FLT3LG: variants seen among roughly 807,000 people sequenced by gnomAD.
The protein encoded by FLT3LG is fms-related tyrosine kinase 3 ligand.
FLT3LG carries 8 observed loss-of-function variants against 30.9 expected under a neutral mutation model. The ratio of observed to expected loss-of-function variants is 0.26; its 90% CI spans 0.15 to 0.47. The LOEUF (loss-of-function observed/expected upper bound fraction) is 0.47. Ranked by LOEUF, FLT3LG falls within the 20% of genes least tolerant of loss-of-function variation. The pLI is 0.99. For synonymous variants in FLT3LG, 123 were observed against 135.9 expected (o/e 0.91, Z 0.66); for missense variants, 278 against 306.2 (o/e 0.91, Z 0.69).
chr19:49,476,041 TTGGTCTTGTCCCTCTCTCTC>T lies in FLT3LG; in HGVS notation c.145-100_145-81del. On this transcript the variant is annotated intron_variant, in intron 3 of 8. Coordinates refer to ENST00000597551, the MANE Select transcript of FLT3LG (RefSeq NM_001459.4). The surrounding 1 kb of genome is among the most constrained non-coding windows in gnomAD (Gnocchi z 5.3). ...TGGCTTCTTCTGGGCTCCCCCTCTC[TTGGTCTTGTCCCTCTCTCTC>T]TGGATCTCTGCTGCCACCTCTGGGT... 7.5e-7 allele frequency: 1 copy of T among 1,340,896 alleles called. No homozygotes were observed. The highest frequency in any genetic ancestry group is 2.3e-5 in the East Asian group (1 of 43,642). The allele number at this position is 1,340,896 out of a possible 1,614,324, so 83.1% of individuals were successfully genotyped here. A position where few individuals can be genotyped will look rare whatever the true frequency, so the allele number is the denominator to read the frequency against.
At position 49,474,675 on chromosome 19, in the gene FLT3LG, G is replaced by A. The variant is rs2079310711; in HGVS notation, c.33+3G>A. 1 of 1,612,078 alleles carries A rather than the reference G, an allele frequency of 6.2e-7. No individual in the cohort carries two copies. On this transcript the variant is annotated splice_donor_region_variant and intron_variant, in intron 2 of 8. Transcript: ENST00000597551. ...TGGCGCCAGCCTGGAGCCCAACAGT[G>A]CGTAAACCCCAGGGACAAGATCAGG...
rs752828000 is a variant in FLT3LG, at chr19:49,476,124, T to C, written c.145-21T>C. ...GTTTCTCGCTGTTTTCAGCCAGGCC[T>C]GATCCTGTTTTCTCCCGCAGTCTGA... On this transcript the variant is annotated intron_variant, in intron 3 of 8. Coordinates refer to ENST00000597551, the MANE Select transcript of FLT3LG (RefSeq NM_001459.4). This position sits in a 1 kb window ranked among gnomAD's most constrained non-coding sequence, Gnocchi z 5.3. 6.2e-7 allele frequency: 1 copy of C among 1,613,742 alleles called. No individual in the cohort carries two copies. Among genetic ancestry groups the C allele is most frequent in the East Asian group, 2.2e-5 (1 of 44,886 alleles).
At chr19:49,478,584 C>T (rs1038341348) in intron 5 of FLT3LG, among the ~76,000 whole-genome samples, 1 of 151,980 alleles carries the variant, frequency 6.6e-6, no homozygotes, top group Non-Finnish European at 1.5e-5. Context: ...ACCAGCCTGG[C>T]CAACATGGAG....
At chr19:49,479,216 A>G (rs1418568152) in intron 6 of FLT3LG, among the ~76,000 whole-genome samples, 169 bp downstream of exon 6, 2 of 138,970 alleles carry the variant, frequency 1.4e-5, no homozygotes, top group Non-Finnish European at 1.5e-5. Flanking sequence ...TTTTTTTGAG[A>G]CGGAGTCTCG....
intron 8 of FLT3LG, among the ~76,000 whole-genome samples, chr19:49,483,727 C>CG (rs1040385169): frequency 6.0e-5 from 9 of 151,080 alleles, no homozygotes; most frequent in African/African-American, 2.2e-4. Context: ...GTCTCAAAAA[C>CG]AAAAAAACCA....
At chr19:49,474,517 C>T (rs1219919325) in intron 1 of FLT3LG, 86 bp from the exon 2 acceptor site, 5 of 818,878 alleles carry the variant, frequency 6.1e-6, no homozygotes, top group African/African-American at 2.8e-5. Flanking sequence ...ATCAATGGGA[C>T]GCGGGAGGGG....
chr19:49,477,493 C>G (rs993878397), intron 5 of FLT3LG, among the ~76,000 whole-genome samples: 1 of 151,948 alleles, frequency 6.6e-6, no homozygotes. Flanking sequence ...AATCCCAGCA[C>G]TTTGGGAGGC....
chr19:49,480,653 T>G (rs1461571711), intron 8 of FLT3LG, 33 bp downstream of exon 8: 2 of 1,575,866 alleles, frequency 1.3e-6, no homozygotes, highest in African/African-American at 2.7e-5. Flanking sequence ...GGCCTGGACT[T>G]TGTGTCTGCA....
At chr19:49,477,414 A>C (rs1231227660) in intron 5 of FLT3LG, among the ~76,000 whole-genome samples, 1 of 152,086 alleles carries the variant, frequency 6.6e-6, no homozygotes, top group Non-Finnish European at 1.5e-5. Flanking sequence ...ACTGCACTCC[A>C]GCTTGAGCGA....
In FLT3LG at chr19:49,476,343, C is replaced by A. The variant is rs2079392817; in HGVS notation, c.199-80C>A. ...CCCCTCCTCCCTCAGACCCAGGAGC[C>A]CCGGCCCAGCCCCTCCTCCCTCAGA... is the stretch of plus-strand genomic sequence containing the variant. On this transcript the variant is annotated intron_variant, in intron 4 of 8. Coordinates refer to ENST00000597551, the MANE Select transcript of FLT3LG (RefSeq NM_001459.4). This position sits in a 1 kb window ranked among gnomAD's most constrained non-coding sequence, Gnocchi z 5.3. 3.9e-6 allele frequency: 6 copies of A among 1,524,936 alleles called. No individual in the cohort carries two copies. Among genetic ancestry groups the A allele is most frequent in the Middle Eastern group, 2.2e-4 (1 of 4,504 alleles). The allele number at this position is 1,524,936 out of a possible 1,614,324, so 94.5% of individuals were successfully genotyped here.
rs769482947 is a variant in FLT3LG at position 49,478,908 on chromosome 19, G to GCC, written c.350_351dup (p.Ser118ProfsTer25). The stretch of plus-strand genomic sequence containing the variant: ...GTGACGTCTCCCTCCCCTGCTCCCA[G>GCC]CCCCCCCCCAGCTGTCTTCGCTTCG... On this transcript the variant is annotated frameshift_variant and splice_region_variant. Transcript: ENST00000597551. LOFTEE classifies it high-confidence loss of function. 5.4e-6 allele frequency: 8 copies of GCC among 1,491,648 alleles called. No homozygotes were observed. The highest frequency in any genetic ancestry group is 1.3e-5 in the South Asian group (1 of 77,966). 92.4% of individuals were successfully genotyped at this position (1,491,648 alleles called of 1,614,324 possible).
chr19:49,476,538 TAC>T lies in FLT3LG; in HGVS notation c.317_318del (p.His106LeufsTer200). On this transcript the variant is annotated frameshift_variant, in exon 5 of 9. Transcript: ENST00000597551. LOFTEE classifies it high-confidence loss of function. This position sits in a 1 kb window ranked among gnomAD's most constrained non-coding sequence, Gnocchi z 5.3. ...TTGCTGGAGCGCGTGAACACGGAGATACACTTTGTCACCAAATGTGCCTTTCA... is the reference window on the plus strand; with the variant it reads ...TTGCTGGAGCGCGTGAACACGGAGATACTTTGTCACCAAATGTGCCTTTCA... 1.2e-6 allele frequency: 2 copies of T among 1,614,188 alleles called. No homozygotes were observed. Among genetic ancestry groups the T allele is most frequent in the Non-Finnish European group, 1.7e-6 (2 of 1,180,022 alleles).
chr19:49,479,074 C>T (rs1414883445), intron 6 of FLT3LG, 27 bp downstream of exon 6: 6 of 1,591,410 alleles, frequency 3.8e-6, no homozygotes, highest in African/African-American at 1.3e-5. Context: ...ACCCCCACTC[C>T]TTCCCCTCCT....
chr19:49,475,063 AGATGGACAG>A, intron 2 of FLT3LG, among the ~76,000 whole-genome samples: 1 of 69,606 alleles, frequency 1.4e-5, no homozygotes, highest in African/African-American at 6.2e-5. Flanking sequence ...GAGGTGGGGG[AGATGGACAG>A]GAGGGAAGAT....
chr19:49,477,949 G>A (rs1325300652), intron 5 of FLT3LG, among the ~76,000 whole-genome samples: 1 of 151,330 alleles, frequency 6.6e-6, no homozygotes, highest in Non-Finnish European at 1.5e-5. Flanking sequence ...AGGAGGCTGA[G>A]GCAGAATTCC....
intron 8 of FLT3LG, among the ~76,000 whole-genome samples, chr19:49,482,672 G>A (rs2079654064): frequency 1.3e-5 from 2 of 150,884 alleles, no homozygotes; most frequent in African/African-American, 4.9e-5. Context: ...TCTGTCGCCA[G>A]GTTGAAGTGC....
In FLT3LG at chr19:49,479,063, C is replaced by G. The variant is rs1192631676; in HGVS notation, c.481+16C>G. ...TGTCAGCCCGGTAAAGGCTTCCAGG[C>G]ACCCCCACTCCTTCCCCTCCTGTCC... On this transcript the variant is annotated intron_variant, in intron 6 of 8. Transcript: ENST00000597551. The G allele has an allele frequency of 1.9e-6, 3 of 1,599,652 alleles. No homozygotes were observed. The South Asian group carries it at 3.4e-5, about 18-fold the overall frequency.
intron 6 of FLT3LG, 108 bp downstream of exon 6, chr19:49,479,155 A>C (rs1301280264): frequency 6.7e-6 from 7 of 1,039,772 alleles, no homozygotes; most frequent in Non-Finnish European, 9.1e-6. Flanking sequence ...GGTTGTGACA[A>C]GGGCAAGCTT....
At chr19:49,484,644 A>C (rs1176169372) in intron 8 of FLT3LG, among the ~76,000 whole-genome samples, 19 of 151,500 alleles carry the variant, frequency 1.3e-4, no homozygotes, top group Admixed American at 7.2e-4. Flanking sequence ...TTACAGGCAC[A>C]CACCACCACA....
Sources: gnomAD v4.1 joint callset for allele counts (sites outside exome capture counted in the v4.1 genomes callset) on GRCh38, gnomAD v4.1.1 for gene constraint, Gnocchi (gnomAD v3.1) non-coding constraint, MANE v1.5 for transcripts, NCBI Gene and HGNC (gene_info 2026-07-23, HGNC 2026-07-21) for gene names.